Variants in EZH1 observed in about 807,000 individuals in gnomAD.
EZH1 encodes the protein histone-lysine N-methyltransferase EZH1.
EZH1 carries 33 observed loss-of-function variants against 100.5 expected under a neutral mutation model. The ratio of observed to expected loss-of-function variants is 0.33; its 90% confidence interval spans 0.25 to 0.44. EZH1 has a LOEUF of 0.44. EZH1 is among the 20% of genes least tolerant of loss of function. The probability of loss-of-function intolerance (pLI) is 1.00; values close to 1 mark genes in which losing one functional copy is unlikely to be tolerated. For synonymous variants in EZH1, 272 were observed against 313.8 expected (o/e 0.87, Z 1.41); for missense variants, 475 against 928.4 (o/e 0.51, Z 6.35).
chr17:42,704,549 A>G, intron 18 of EZH1, 53 bp downstream of exon 18: 2 of 1,496,682 alleles, frequency 1.3e-6, no homozygotes, highest in Non-Finnish European at 1.8e-6. Flanking sequence ...CTCCGTCTCA[A>G]AAAAAGAAAA....
intron 6 of EZH1, 113 bp downstream of exon 6, chr17:42,722,682 T>C (rs2053737539): frequency 1.0e-6 from 1 of 997,588 alleles, no homozygotes; most frequent in South Asian, 1.7e-5. Flanking sequence ...TGAAATATTC[T>C]GCAGTGTGTA....
At chr17:42,734,162 C>G (rs1402185119) in intron 1 of EZH1, among the ~76,000 whole-genome samples, 1 of 151,550 alleles carries the variant, frequency 6.6e-6, no homozygotes, top group Non-Finnish European at 1.5e-5. Flanking sequence ...ATCCTTGTGC[C>G]TCAGCCTCCT....
chr17:42,722,107 C>A (rs1162773363), intron 6 of EZH1, among the ~76,000 whole-genome samples: 2 of 144,458 alleles, frequency 1.4e-5, no homozygotes, highest in East Asian at 4.2e-4. Context: ...CGAGATTGTG[C>A]CACTGCGCTC....
intron 1 of EZH1, among the ~76,000 whole-genome samples, chr17:42,738,392 G>A (rs1456080370): frequency 6.6e-6 from 1 of 151,936 alleles, no homozygotes; most frequent in Non-Finnish European, 1.5e-5. Flanking sequence ...AGCCTTTGGA[G>A]GCAGATGGCA....
chr17:42,707,853 A>C, intron 15 of EZH1, 105 bp downstream of exon 15: 1 of 1,356,466 alleles, frequency 7.4e-7, no homozygotes, highest in Non-Finnish European at 1.0e-6. Context: ...AGCAAAGGGG[A>C]TATCAGAAGG....
rs75749529 is a variant in EZH1 at position 42,712,595 on chromosome 17, A to T, written c.1205-110T>A. ...TTCTACTTTAAAAGGTAGAACAGTT[A>T]GGAATGAAAATATTCCCTATCTTTA... On this transcript the variant is annotated intron_variant, in intron 11 of 20. Coordinates refer to ENST00000428826, the MANE Select transcript of EZH1 (RefSeq NM_001991.5). The T allele has an allele frequency of 2.2e-3, 2,443 of 1,103,404 alleles. 50 individuals carry two copies. In the African/African-American group the frequency reaches 0.035, roughly 16 times the overall value. 68.4% of individuals were successfully genotyped at this position (1,103,404 alleles called of 1,614,324 possible).
chr17:42,736,458 T>C (rs976754858), intron 1 of EZH1, among the ~76,000 whole-genome samples: 1 of 152,186 alleles, frequency 6.6e-6, no homozygotes, highest in Non-Finnish European at 1.5e-5. Flanking sequence ...TGTATAGATA[T>C]ATACACACAC....
chr17:42,723,308 G>A (rs1016313270), intron 5 of EZH1, among the ~76,000 whole-genome samples: 14 of 151,764 alleles, frequency 9.2e-5, no homozygotes, highest in Admixed American at 2.6e-4. Flanking sequence ...CTGGGAGGCA[G>A]AGGTTGCAGT....
chr17:42,738,755 A>ATATTTTT (rs1555651877), intron 1 of EZH1, among the ~76,000 whole-genome samples: 2 of 91,216 alleles, frequency 2.2e-5, no homozygotes, highest in African/African-American at 8.6e-5. Context: ...CCTGGCCTAG[A>ATATTTTT]TTTTTTTTTT....
chr17:42,703,844 A>T lies in EZH1; in HGVS notation c.2018-24T>A, dbSNP rs536373470. 4.5e-6 allele frequency: 7 copies of T among 1,544,412 alleles called. No homozygotes were observed. In the African/African-American group the frequency reaches 8.1e-5, roughly 18 times the overall value. On this transcript the variant is annotated intron_variant, in intron 18 of 20. Transcript: ENST00000428826. Reference sequence around the variant, plus strand: ...ATCTGTATAAAGTAAATCAAGGAAAACCATAAGCACAGCAGGCAATTCCAC... The same window carrying T: ...ATCTGTATAAAGTAAATCAAGGAAATCCATAAGCACAGCAGGCAATTCCAC...
At chr17:42,708,795 G>T in intron 14 of EZH1, 81 bp downstream of exon 14, 1 of 1,456,342 alleles carries the variant, frequency 6.9e-7, no homozygotes. Flanking sequence ...GTCAACAAGT[G>T]CAGCTGGAGG....
rs530630160 is a variant in EZH1, at chr17:42,704,130, G to A, written c.2018-310C>T. Reference sequence around the variant, plus strand: ...AGAAATGGAGGTTCTTCCAAAGCAAGGGCACTGTGGCCTGTGGGATCCCCA... The same window carrying A: ...AGAAATGGAGGTTCTTCCAAAGCAAAGGCACTGTGGCCTGTGGGATCCCCA... On this transcript the variant is annotated intron_variant, in intron 18 of 20. Transcript: ENST00000428826. Among the ~76,000 whole-genome samples the A allele has an allele frequency of 5.9e-5, 9 of 152,276 alleles. No individual in the cohort carries two copies. The East Asian group carries it at 1.5e-3, about 26-fold the overall frequency.
At chr17:42,722,630 A>C (rs1455427795) in intron 6 of EZH1, among the ~76,000 whole-genome samples, 165 bp downstream of exon 6, 1 of 151,702 alleles carries the variant, frequency 6.6e-6, no homozygotes, top group Non-Finnish European at 1.5e-5. Flanking sequence ...CGTCTCAAAA[A>C]AAAAAAAAAA....
chr17:42,744,930 C>A (rs2054252852), intron 1 of EZH1, 81 bp downstream of exon 1: 4 of 1,235,288 alleles, frequency 3.2e-6, no homozygotes, highest in Non-Finnish European at 4.2e-6. Flanking sequence ...GATCCCTCCG[C>A]CTCTCCCTCC....
rs145074988 is a variant in EZH1 at position 42,722,579 on chromosome 17, T to C, written c.487+216A>G. On this transcript the variant is annotated intron_variant, in intron 6 of 20. Coordinates refer to ENST00000428826, the MANE Select transcript of EZH1 (RefSeq NM_001991.5). ...GGCAGAGATTGCAGTGAGCCTAGAT[T>C]ACACCACTGCACTCCAGCCTGGGCA... is the stretch of plus-strand genomic sequence containing the variant. 1.0e-2 allele frequency among the ~76,000 whole-genome samples: 1,415 copies of C among 142,184 alleles called. 24 individuals carry two copies. The highest frequency in any genetic ancestry group is 0.036 in the African/African-American group (1,358 of 38,100). The allele number at this position is 142,184 out of a possible 152,430, so 93.3% of individuals were successfully genotyped here. A position where few individuals can be genotyped will look rare whatever the true frequency, so the allele number is the denominator to read the frequency against.
chr17:42,713,064 T>TAAAAA, intron 11 of EZH1, 145 bp downstream of exon 11: 2 of 346,074 alleles, frequency 5.8e-6, no homozygotes, highest in Non-Finnish European at 9.6e-6. Context: ...AAAAAGAAAA[T>TAAAAA]ATTCCCCATC....
In EZH1 at chr17:42,718,289, A is replaced by C; in HGVS notation, c.931+165T>G. The C allele has an allele frequency of 1.0e-6, 1 of 973,938 alleles. No homozygotes were observed. 60.3% of individuals were successfully genotyped at this position (973,938 alleles called of 1,614,324 possible). On this transcript the variant is annotated intron_variant, in intron 9 of 20. Transcript: ENST00000428826. The surrounding 1 kb of genome is among the most constrained non-coding windows in gnomAD (Gnocchi z 4.2). ...GCTAGTTAGTCTGTCCCTATCATGC[A>C]AAGCATGTTGCACTATAATTGAGCA...
intron 18 of EZH1, among the ~76,000 whole-genome samples, 194 bp downstream of exon 18, chr17:42,704,408 G>A (rs7215404): frequency 0.036 from 5,412 of 152,172 alleles, 329 homozygotes; most frequent in African/African-American, 0.12. Flanking sequence ...GGGCATGGTG[G>A]CAGGTGCTTG....
At chr17:42,736,522 C>T (rs914882871) in intron 1 of EZH1, among the ~76,000 whole-genome samples, 29 of 152,168 alleles carry the variant, frequency 1.9e-4, no homozygotes, top group East Asian at 7.7e-4. Flanking sequence ...TACATTCACA[C>T]CACATCTCAA....
Sources: gnomAD v4.1 joint callset for allele counts (sites outside exome capture counted in the v4.1 genomes callset) on GRCh38, gnomAD v4.1.1 for gene constraint, Gnocchi (gnomAD v3.1) non-coding constraint, MANE v1.5 for transcripts, NCBI Gene and HGNC (gene_info 2026-07-23, HGNC 2026-07-21) for gene names.